The following PIK3C2A variants were observed in gnomAD, a reference collection of about 807,000 sequenced individuals.
The protein encoded by PIK3C2A is phosphatidylinositol-4-phosphate 3-kinase catalytic subunit type 2 alpha, also known as phosphatidylinositol 4-phosphate 3-kinase C2 domain-containing subunit alpha.
A neutral mutation model predicts 204.5 loss-of-function variants in PIK3C2A; 97 were observed. The observed-to-expected ratio is 0.47, with a 90% CI of 0.40 to 0.56. The LOEUF (loss-of-function observed/expected upper bound fraction) is 0.56, where lower values mean the gene tolerates loss of function less well. Among genes scored for constraint, PIK3C2A ranks in the 20% least tolerant of loss-of-function variants. PIK3C2A has a pLI of 0.00. For synonymous variants in PIK3C2A, 653 were observed against 664.4 expected, an observed-to-expected ratio of 0.98 and a Z score of 0.26; for missense variants, 1,735 against 1,969.2, an observed-to-expected ratio of 0.88 and a Z score of 2.25.
intron 13 of PIK3C2A, among the ~76,000 whole-genome samples, chr11:17,126,942 T>C (rs1849547027): frequency 6.6e-6 from 1 of 152,242 alleles, no homozygotes; most frequent in African/African-American, 2.4e-5. Context: ...CCTGGTGCTT[T>C]CAAGAGCAAG....
intron 26 of PIK3C2A, among the ~76,000 whole-genome samples, chr11:17,098,986 C>G (rs1376071101): frequency 1.3e-5 from 2 of 152,202 alleles, no homozygotes; most frequent in Non-Finnish European, 2.9e-5. Flanking sequence ...ACCTCCATCT[C>G]CCAGGTTCAA....
In PIK3C2A at chr11:17,145,538, TATAAA is replaced by T; in HGVS notation, c.1704+125_1704+129del. 6.7e-6 allele frequency: 4 copies of T among 601,414 alleles called. No individual in the cohort carries two copies. In the Admixed American group the frequency reaches 1.3e-4, roughly 19 times the overall value. The allele number at this position is 601,414 out of a possible 1,614,324, so 37.3% of individuals were successfully genotyped here. On this transcript the variant is annotated intron_variant, in intron 8 of 32. Coordinates refer to ENST00000691414, the MANE Select transcript of PIK3C2A (RefSeq NM_002645.4). ...GTAAGTCAATTAAACCTATTTTCTT[TATAAA>T]TTAAAAAGAAGAATATAGTCTTAAA...
Position 17,169,047 on chromosome 11 carries a change from C to T in PIK3C2A, c.695G>A (p.Ser232Asn). ...CCCATTTTTTAAAAATTCTGATGTA[C>T]TAGCTATTTTGTCAAATAGTTTTGC... ...DMAKLFDKIA[S>N]TSEFLKNGKA... The change falls in exon 2 of 33, where the codon AGT (serine) becomes AAT (asparagine). Residue 232 changes from serine (S) to asparagine (N), a missense_variant. Transcript: ENST00000691414. The T allele has an allele frequency of 6.2e-7, 1 of 1,613,966 alleles. No individual in the cohort carries two copies. Among genetic ancestry groups the T allele is most frequent in the Non-Finnish European group, 8.5e-7 (1 of 1,179,940 alleles).
intron 1 of PIK3C2A, among the ~76,000 whole-genome samples, chr11:17,197,482 G>T (rs747008035): frequency 6.6e-6 from 1 of 152,150 alleles, no homozygotes; most frequent in Non-Finnish European, 1.5e-5. Flanking sequence ...AAGACTAGTA[G>T]TCTTCAGCCC....
chr11:17,102,084 ATTTC>A (rs529203773), intron 24 of PIK3C2A, among the ~76,000 whole-genome samples: 68 of 152,230 alleles, frequency 4.5e-4, no homozygotes, highest in East Asian at 7.7e-4. Context: ...ACACGAAATC[ATTTC>A]TTTCTAAGAG....
chr11:17,094,735 T>C (rs1848404730), intron 27 of PIK3C2A, among the ~76,000 whole-genome samples: 1 of 151,896 alleles, frequency 6.6e-6, no homozygotes, highest in Non-Finnish European at 1.5e-5. Flanking sequence ...AAACCTTCTT[T>C]CCTATATTGA....
chr11:17,140,820 A>G (rs538217330), intron 8 of PIK3C2A, among the ~76,000 whole-genome samples: 2 of 152,338 alleles, frequency 1.3e-5, no homozygotes, highest in South Asian at 4.1e-4. Flanking sequence ...TTATACCTCA[A>G]TAAAGCTATA....
chr11:17,207,535 C>T (rs1852628651), intron 1 of PIK3C2A, among the ~76,000 whole-genome samples: 1 of 152,150 alleles, frequency 6.6e-6, no homozygotes, highest in African/African-American at 2.4e-5. Context: ...GGGGGGCCTG[C>T]CCTCCTTCTG....
intron 24 of PIK3C2A, among the ~76,000 whole-genome samples, chr11:17,101,660 G>A (rs1490309311): frequency 2.0e-5 from 3 of 148,508 alleles, no homozygotes; most frequent in African/African-American, 7.5e-5. Flanking sequence ...CTGGAGTGCA[G>A]TGGCGCGATC....
At chr11:17,189,791 TCA>T (rs1442768462) in intron 1 of PIK3C2A, among the ~76,000 whole-genome samples, 6 of 117,376 alleles carry the variant, frequency 5.1e-5, no homozygotes, top group Admixed American at 2.4e-4. Flanking sequence ...CCAGCCTGGG[TCA>T]CAGAGTGAGG....
chr11:17,193,092 C>T, intron 1 of PIK3C2A, among the ~76,000 whole-genome samples: 1 of 152,214 alleles, frequency 6.6e-6, no homozygotes, highest in East Asian at 1.9e-4. Context: ...ATGTGGTCGC[C>T]TGCACTCTGT....
At chr11:17,161,025 G>C (rs944319931) in intron 2 of PIK3C2A, among the ~76,000 whole-genome samples, 2 of 152,142 alleles carry the variant, frequency 1.3e-5, no homozygotes, top group Non-Finnish European at 2.9e-5. Flanking sequence ...GAAAAAAAAT[G>C]GTAGAGAGTT....
intron 1 of PIK3C2A, among the ~76,000 whole-genome samples, chr11:17,196,052 A>G (rs1852143299): frequency 6.6e-6 from 1 of 152,052 alleles, no homozygotes; most frequent in African/African-American, 2.4e-5. Flanking sequence ...AGAAAAAAAG[A>G]AAAGAAAAGA....
In PIK3C2A at chr11:17,168,741, G is replaced by T; in HGVS notation, c.1001C>A (p.Thr334Lys). ...NGKSLSVATV[T>K]RSQSLNIRTT... is the part of the protein sequence containing the mutation. ...TCGAATATTTAAAGACTGGCTTCTTGTAACAGTTGCCACAGAAAGGGATTT... is the reference window on the plus strand; with the variant it reads ...TCGAATATTTAAAGACTGGCTTCTTTTAACAGTTGCCACAGAAAGGGATTT... The change falls in exon 2 of 33, where the codon ACA (threonine) becomes AAA (lysine). Residue 334 changes from threonine (T) to lysine (K), a missense_variant. Around this residue, in one of 6 missense-constraint regions of PIK3C2A, gnomAD observed 536 missense variants for 546.7 expected, o/e 0.98. Transcript: ENST00000691414. 3 of 1,612,874 alleles carry T rather than the reference G, an allele frequency of 1.9e-6. No individual in the cohort carries two copies. Among genetic ancestry groups the T allele is most frequent in the African/African-American group, 2.7e-5 (2 of 74,956 alleles).
At position 17,171,852 on chromosome 11, in the gene PIK3C2A, C is replaced by T. The variant is rs183237267; in HGVS notation, c.-65-2046G>A. ...TCTTGAACTCCTGGCCTCAAGCAAGCCTCCTGCCTCAGCTGGGATTACAGG... is the reference window on the plus strand; with the variant it reads ...TCTTGAACTCCTGGCCTCAAGCAAGTCTCCTGCCTCAGCTGGGATTACAGG... On this transcript the variant is annotated intron_variant, in intron 1 of 32. Coordinates refer to ENST00000691414, the MANE Select transcript of PIK3C2A (RefSeq NM_002645.4). 7.2e-5 allele frequency among the ~76,000 whole-genome samples: 11 copies of T among 152,284 alleles called. No individual in the cohort carries two copies. In the East Asian group the frequency reaches 2.1e-3, roughly 29 times the overall value.
At chr11:17,161,681 G>C (rs1315760332) in intron 2 of PIK3C2A, among the ~76,000 whole-genome samples, 1 of 152,154 alleles carries the variant, frequency 6.6e-6, no homozygotes, top group African/African-American at 2.4e-5. Context: ...GATGGAAACA[G>C]GAAGTAAGCT....
chr11:17,160,876 A>G (rs1443993413), intron 2 of PIK3C2A, among the ~76,000 whole-genome samples: 1 of 152,186 alleles, frequency 6.6e-6, no homozygotes, highest in African/African-American at 2.4e-5. Flanking sequence ...AACTTTGGGG[A>G]AGACAGGAAC....
At chr11:17,176,687 G>C (rs1851351604) in intron 1 of PIK3C2A, among the ~76,000 whole-genome samples, 1 of 152,110 alleles carries the variant, frequency 6.6e-6, no homozygotes, top group Non-Finnish European at 1.5e-5. Context: ...TCAGGAGACT[G>C]AGGTGGGAGG....
At chr11:17,140,360 AATGTTT>A (rs1388661867) in intron 8 of PIK3C2A, among the ~76,000 whole-genome samples, 1 of 152,230 alleles carries the variant, frequency 6.6e-6, no homozygotes, top group African/African-American at 2.4e-5. Flanking sequence ...CTCATACATA[AATGTTT>A]ATAACAGCAT....
Sources: gnomAD v4.1 joint callset for allele counts (sites outside exome capture counted in the v4.1 genomes callset) on GRCh38, gnomAD v4.1.1 for gene constraint, gnomAD v4.1.1 regional missense constraint, MANE v1.5 for transcripts, NCBI Gene and HGNC (gene_info 2026-07-23, HGNC 2026-07-21) for gene names.